DSE: variants seen among roughly 807,000 people sequenced by gnomAD.
DSE encodes the protein dermatan sulfate epimerase, also known as dermatan-sulfate epimerase.
DSE carries 36 observed loss-of-function variants against 84.4 expected under a neutral mutation model. That is an observed-to-expected ratio of 0.43 (90% CI 0.33 to 0.56). The LOEUF is 0.56. DSE is among the 20% of genes least tolerant of loss of function. The pLI is 0.06. For missense variants in DSE, 862 were observed against 1,169.6 expected (o/e 0.74, Z 3.84); for synonymous variants, 410 against 430.1 (o/e 0.95, Z 0.58).
At chr6:116,348,109 C>G (rs1368078933) in intron 2 of DSE, among the ~76,000 whole-genome samples, 1 of 152,026 alleles carries the variant, frequency 6.6e-6, no homozygotes, top group African/African-American at 2.4e-5. Flanking sequence ...CCATCTCACA[C>G]CAGTTAGAAT....
intron 1 of DSE, chr6:116,256,274 A>C (rs941376421): frequency 6.6e-6 from 1 of 152,230 alleles, no homozygotes; most frequent in Non-Finnish European, 1.5e-5. Flanking sequence ...GTCATTATGG[A>C]AACATCATAC....
At chr6:116,344,402 C>T (rs961045914) in intron 2 of DSE, among the ~76,000 whole-genome samples, 3 of 152,188 alleles carry the variant, frequency 2.0e-5, no homozygotes, top group Admixed American at 1.3e-4. Context: ...GGGTTACCTA[C>T]GAAGAGAAGC....
At chr6:116,293,598 G>C (rs1774442294) in intron 2 of DSE, among the ~76,000 whole-genome samples, 1 of 152,122 alleles carries the variant, frequency 6.6e-6, no homozygotes, top group Non-Finnish European at 1.5e-5. Context: ...TGAAGTATTG[G>C]TTGCTTTTAA....
rs925812475 is a variant in DSE at position 116,284,652 on chromosome 6, TCCCTCCC to T, written c.-54+25702_-54+25708del. ...ACATTAGGTATATCTCCTAATGCTA[TCCCTCCC>T]CCCTCCCCCCTCCCCCAACCTCATG... On this transcript the variant is annotated intron_variant, in intron 2 of 3. Transcript: ENST00000430252. Among the ~76,000 whole-genome samples the T allele has an allele frequency of 4.3e-5, 5 of 117,608 alleles. No homozygotes were observed. The South Asian group carries it at 1.1e-3, about 25-fold the overall frequency. 77.2% of individuals were successfully genotyped at this position (117,608 alleles called of 152,430 possible).
At chr6:116,317,714 G>T (rs934277751) in intron 2 of DSE, among the ~76,000 whole-genome samples, 1 of 152,202 alleles carries the variant, frequency 6.6e-6, no homozygotes, top group African/African-American at 2.4e-5. Flanking sequence ...ACCATGAAAG[G>T]AATTGTATTG....
chr6:116,433,217 C>A (rs1783951576), intron 4 of DSE, 126 bp from the exon 5 acceptor site: 1 of 913,870 alleles, frequency 1.1e-6, no homozygotes, highest in South Asian at 1.8e-5. Context: ...TGTGATTTTT[C>A]TTTTATTTTA....
Position 116,419,819 on chromosome 6 carries a change from G to A in DSE, c.417-6755G>A, listed in dbSNP as rs958451663. Among the ~76,000 whole-genome samples, 7 of 152,198 alleles carry A rather than the reference G, an allele frequency of 4.6e-5. No homozygotes were observed. In the East Asian group the frequency reaches 5.8e-4, roughly 13 times the overall value. On this transcript the variant is annotated intron_variant, in intron 2 of 5. Transcript: ENST00000644252. ...CAAATCTTCTACTTTATGAATTTAC[G>A]AAGTAAATATTTTATAGGTTGGTAA...
intron 2 of DSE, chr6:116,280,119 C>T (rs112809192): frequency 8.6e-5 from 43 of 497,734 alleles, no homozygotes; most frequent in African/African-American, 6.8e-4. Flanking sequence ...AGTCTGGAAG[C>T]GCGGACGACC....
At chr6:116,429,831 A>G (rs1783700093) in intron 3 of DSE, among the ~76,000 whole-genome samples, 1 of 65,794 alleles carries the variant, frequency 1.5e-5, no homozygotes, top group South Asian at 3.4e-4. Flanking sequence ...GGGCGCCTGC[A>G]GTCCCAGCTA....
intron 5 of DSE, among the ~76,000 whole-genome samples, 193 bp downstream of exon 5, chr6:116,433,743 T>TA (rs898976610): frequency 1.2e-4 from 19 of 152,090 alleles, no homozygotes; most frequent in African/African-American, 4.1e-4. Flanking sequence ...TTTTCTTTTT[T>TA]AAAAAAAAAT....
chr6:116,410,721 G>A (rs6925221), intron 2 of DSE, among the ~76,000 whole-genome samples: 46,786 of 126,962 alleles, frequency 0.37, 8,519 homozygotes, highest in Admixed American at 0.4. Flanking sequence ...GCGACAGAGC[G>A]AGACTCTGTC....
At chr6:116,279,274 A>T in intron 2 of DSE, 6 of 1,595,576 alleles carry the variant, frequency 3.8e-6, no homozygotes, top group Non-Finnish European at 5.1e-6. Flanking sequence ...CTGCTCCTCC[A>T]TTACCTCCTT....
intron 2 of DSE, among the ~76,000 whole-genome samples, chr6:116,262,234 CTGT>C (rs138505701): frequency 6.6e-5 from 10 of 151,300 alleles, no homozygotes; most frequent in African/African-American, 1.2e-4. Flanking sequence ...CCTGGGGTTT[CTGT>C]TGTTGTTGTT....
rs1784508678 is a variant in DSE, at chr6:116,444,144, A to G, written c.*6799A>G. ...ATTCTTAGAGCACTCTATATATTCAAACCTCCGTATTTTTTGATACAAAAA... is the reference window on the plus strand; with the variant it reads ...ATTCTTAGAGCACTCTATATATTCAGACCTCCGTATTTTTTGATACAAAAA... On this transcript the variant is annotated 3_prime_UTR_variant, in exon 6 of 6. Transcript: ENST00000644252. 6.6e-6 allele frequency: 1 copy of G among 152,238 alleles called. No homozygotes were observed. Among genetic ancestry groups the G allele is most frequent in the African/African-American group, 2.4e-5 (1 of 41,468 alleles). 9.4% of individuals were successfully genotyped at this position (152,238 alleles called of 1,614,324 possible).
chr6:116,348,029 A>T (rs913576529), intron 2 of DSE, among the ~76,000 whole-genome samples: 3 of 152,240 alleles, frequency 2.0e-5, no homozygotes, highest in African/African-American at 7.2e-5. Context: ...TTTGCACCCA[A>T]CGGACACATT....
At chr6:116,324,819 G>C (rs1417151323) in intron 2 of DSE, among the ~76,000 whole-genome samples, 2 of 152,144 alleles carry the variant, frequency 1.3e-5, no homozygotes, top group African/African-American at 4.8e-5. Flanking sequence ...AATATTATAG[G>C]GGGAGAGTTT....
At chr6:116,282,910 G>A (rs1773632154) in intron 2 of DSE, among the ~76,000 whole-genome samples, 1 of 152,184 alleles carries the variant, frequency 6.6e-6, no homozygotes, top group Non-Finnish European at 1.5e-5. Context: ...AGGCTCACGT[G>A]CTCAGGGAGT....
intron 2 of DSE, among the ~76,000 whole-genome samples, chr6:116,323,095 A>G (rs1358147954): frequency 3.3e-5 from 5 of 152,214 alleles, no homozygotes; most frequent in Non-Finnish European, 7.3e-5. Flanking sequence ...CAGATTTGCA[A>G]CAATTGAAGT....
At chr6:116,392,897 G>A (rs1434491622) in intron 1 of DSE, among the ~76,000 whole-genome samples, 2 of 152,160 alleles carry the variant, frequency 1.3e-5, no homozygotes, top group African/African-American at 4.8e-5. Flanking sequence ...CTAACATTAA[G>A]TAGCATCTCA....
Sources: allele counts gnomAD v4.1 joint callset (sites outside exome capture counted in the v4.1 genomes callset), GRCh38; gene constraint gnomAD v4.1.1; transcripts MANE v1.5; gene names NCBI Gene and HGNC (gene_info 2026-07-23, HGNC 2026-07-21).